The following DCC variants were observed in gnomAD, a reference collection of about 807,000 sequenced individuals.
DCC encodes the protein DCC netrin 1 receptor, also known as netrin receptor DCC.
DCC carries 58 observed loss-of-function variants against 172.5 expected under a neutral mutation model. The ratio of observed to expected loss-of-function variants is 0.34; its 90% CI spans 0.27 to 0.42. The LOEUF is 0.42. Among genes scored for constraint, DCC ranks in the 10% least tolerant of loss-of-function variants. The pLI, the probability that DCC is intolerant of heterozygous loss-of-function variation, is 1.00. For synonymous variants in DCC, 709 were observed against 644.5 expected (o/e 1.10, Z -1.52); for missense variants, 1,740 against 1,791.0 (o/e 0.97, Z 0.51).
At chr18:52,352,155 T>C (rs1568128307) in intron 1 of DCC, among the ~76,000 whole-genome samples, 4 of 152,248 alleles carry the variant, frequency 2.6e-5, no homozygotes, top group Admixed American at 1.3e-4. Flanking sequence ...GTTAGCTATA[T>C]ACAATATCTA....
intron 1 of DCC, among the ~76,000 whole-genome samples, chr18:52,400,206 C>A (rs976958702): frequency 6.6e-6 from 1 of 151,872 alleles, no homozygotes; most frequent in African/African-American, 2.4e-5. Context: ...TTCATCCTGT[C>A]AATTCATAAG....
chr18:53,370,469 C>T (rs2058049370), intron 15 of DCC, among the ~76,000 whole-genome samples: 1 of 151,628 alleles, frequency 6.6e-6, no homozygotes, highest in African/African-American at 2.4e-5. Flanking sequence ...TTATTTCCTT[C>T]CTTCTAGCTT....
chr18:52,815,478 C>T (rs1174469536), intron 2 of DCC, among the ~76,000 whole-genome samples: 1 of 151,970 alleles, frequency 6.6e-6, no homozygotes, highest in Non-Finnish European at 1.5e-5. Context: ...CCCCCCTGTC[C>T]CCACCAATGT....
chr18:53,000,594 T>C (rs866251281), intron 5 of DCC, among the ~76,000 whole-genome samples: 1,958 of 147,870 alleles, frequency 0.013, 51 homozygotes, highest in African/African-American at 0.046. Context: ...TCTTTTTTTT[T>C]TTTTTTTTTT....
intron 1 of DCC, among the ~76,000 whole-genome samples, chr18:52,572,577 C>T (rs923519087): frequency 1.3e-5 from 2 of 152,164 alleles, no homozygotes; most frequent in Non-Finnish European, 2.9e-5. Flanking sequence ...AGGGCCGTGA[C>T]TGTATTGTTG....
At chr18:52,608,933 T>G (rs1318990371) in intron 1 of DCC, among the ~76,000 whole-genome samples, 2 of 152,140 alleles carry the variant, frequency 1.3e-5, no homozygotes, top group Non-Finnish European at 2.9e-5. Flanking sequence ...TTGTCCGTAT[T>G]TTCTCAGGAA....
intron 27 of DCC, among the ~76,000 whole-genome samples, chr18:53,511,477 C>G (rs8090381): frequency 0.14 from 20,936 of 152,274 alleles, 1,688 homozygotes; most frequent in Admixed American, 0.25. Flanking sequence ...CGAATAGGAA[C>G]AGCTCCGGTC....
rs182004193 is a variant in DCC, at chr18:52,485,408, G to A, written c.91+144530G>A. Among the ~76,000 whole-genome samples, 418 of 152,150 alleles carry A rather than the reference G, an allele frequency of 2.7e-3. 1 individual carries two copies. The highest frequency in any genetic ancestry group is 4.8e-3 in the Non-Finnish European group (328 of 67,976). On this transcript the variant is annotated intron_variant, in intron 1 of 28. Transcript: ENST00000442544. ...TCATCGCAATATGGACTATATCGCCGGAGAGAATTTTAGGAGGTTTGAATG... is the reference window on the plus strand; with the variant it reads ...TCATCGCAATATGGACTATATCGCCAGAGAGAATTTTAGGAGGTTTGAATG...
At chr18:52,686,677 C>A (rs909279024) in intron 1 of DCC, among the ~76,000 whole-genome samples, 2 of 152,054 alleles carry the variant, frequency 1.3e-5, no homozygotes, top group African/African-American at 4.8e-5. Context: ...TCTTGAGGAG[C>A]ACAAATCAAT....
rs191687729 is a variant in DCC at position 53,097,537 on chromosome 18, T to C, written c.1261+31371T>C. Among the ~76,000 whole-genome samples the C allele has an allele frequency of 6.6e-5, 10 of 152,304 alleles. No individual in the cohort carries two copies. The East Asian group carries it at 1.5e-3, about 24-fold the overall frequency. On this transcript the variant is annotated intron_variant, in intron 7 of 28. Transcript: ENST00000442544. The stretch of plus-strand genomic sequence containing the variant: ...GAGTATAGCAATAAATTAGACCAGA[T>C]TGAAGCATACATATTTGATTTTCAT...
At chr18:52,908,996 G>A (rs1192962845) in intron 3 of DCC, among the ~76,000 whole-genome samples, 2 of 152,106 alleles carry the variant, frequency 1.3e-5, no homozygotes, top group African/African-American at 4.8e-5. Context: ...CCTGCTAAAG[G>A]AGAATGCTTT....
intron 5 of DCC, among the ~76,000 whole-genome samples, chr18:52,963,317 G>T (rs549451233): frequency 6.6e-6 from 1 of 151,322 alleles, no homozygotes; most frequent in South Asian, 2.1e-4. Flanking sequence ...AAAAAAAAAG[G>T]CCCGGTGTGA....
At chr18:52,445,817 T>G (rs1988101939) in intron 1 of DCC, among the ~76,000 whole-genome samples, 1 of 152,212 alleles carries the variant, frequency 6.6e-6, no homozygotes, top group Non-Finnish European at 1.5e-5. Flanking sequence ...GCATTGCTGG[T>G]CTTTTGGGGG....
chr18:52,654,622 G>C (rs2035209946), intron 1 of DCC, among the ~76,000 whole-genome samples: 1 of 152,080 alleles, frequency 6.6e-6, no homozygotes, highest in South Asian at 2.1e-4. Flanking sequence ...GGAAAGATTG[G>C]ATTAAGGCTC....
chr18:52,817,541 G>A (rs1274800342), intron 2 of DCC, among the ~76,000 whole-genome samples: 8 of 151,962 alleles, frequency 5.3e-5, no homozygotes, highest in Admixed American at 4.6e-4. Flanking sequence ...GAGATTTCTG[G>A]CTTGAAAAGT....
intron 1 of DCC, among the ~76,000 whole-genome samples, chr18:52,467,932 T>C (rs1988835114): frequency 6.6e-6 from 1 of 152,244 alleles, no homozygotes; most frequent in Non-Finnish European, 1.5e-5. Flanking sequence ...AAGTTCCTTG[T>C]AGATTCTGGA....
chr18:52,630,320 G>T (rs531482140), intron 1 of DCC, among the ~76,000 whole-genome samples: 1 of 152,232 alleles, frequency 6.6e-6, no homozygotes, highest in African/African-American at 2.4e-5. Context: ...TCTGGGGATC[G>T]AATTCCTTAC....
intron 12 of DCC, among the ~76,000 whole-genome samples, chr18:53,292,866 T>G (rs62097987): frequency 0.29 from 44,318 of 152,100 alleles, 8,279 homozygotes; most frequent in Non-Finnish European, 0.43. Flanking sequence ...TTTATTTTTA[T>G]GTCTGTGAAA....
chr18:52,679,919 T>C (rs2035714447), intron 1 of DCC, among the ~76,000 whole-genome samples: 1 of 152,076 alleles, frequency 6.6e-6, no homozygotes, highest in Non-Finnish European at 1.5e-5. Flanking sequence ...ATCATATATT[T>C]TGTATAAACA....
Sources: gnomAD v4.1 joint callset for allele counts (sites outside exome capture counted in the v4.1 genomes callset) on GRCh38, gnomAD v4.1.1 for gene constraint, MANE v1.5 for transcripts, NCBI Gene and HGNC (gene_info 2026-07-23, HGNC 2026-07-21) for gene names.